DPP6: variants seen among roughly 807,000 people sequenced by gnomAD.
The protein encoded by DPP6 is dipeptidyl peptidase like 6.
Under a neutral mutation model 122.6 loss-of-function variants are expected in DPP6, and 69 were observed. That is an observed-to-expected ratio of 0.56 (90% CI 0.46 to 0.69). The LOEUF (loss-of-function observed/expected upper bound fraction) is 0.69, where lower values mean the gene tolerates loss of function less well. Ranked by LOEUF, DPP6 falls within the 30% of genes least tolerant of loss-of-function variation. The pLI is 0.00. For missense variants in DPP6, 928 were observed against 1,116.9 expected (o/e 0.83, Z 2.41); for synonymous variants, 418 against 433.1 (o/e 0.97, Z 0.43).
Position 154,483,083 on chromosome 7 carries a change from G to A in DPP6, c.457+8046G>A, listed in dbSNP as rs942708009. ...GTGGGTTGTGGAGGTACTGCTCAGA[G>A]CCTCTCGGAGGGAAGAGGGGAAGAG... On this transcript the variant is annotated intron_variant, in intron 3 of 25. Transcript: ENST00000377770. The surrounding 1 kb of genome is among the most constrained non-coding windows in gnomAD (Gnocchi z 8.1). Among the ~76,000 whole-genome samples, 1 of 152,154 alleles carries A rather than the reference G, an allele frequency of 6.6e-6. No homozygotes were observed. The highest frequency in any genetic ancestry group is 1.5e-5 in the Non-Finnish European group (1 of 68,034).
At chr7:154,420,556 G>T (rs1303040721) in intron 1 of DPP6, among the ~76,000 whole-genome samples, 2 of 152,224 alleles carry the variant, frequency 1.3e-5, no homozygotes, top group South Asian at 2.1e-4. Flanking sequence ...CAGCGATGGG[G>T]GTGGGTAGGG....
At chr7:154,786,850 T>C (rs1039045843) in intron 10 of DPP6, among the ~76,000 whole-genome samples, 22 of 152,202 alleles carry the variant, frequency 1.4e-4, no homozygotes, top group African/African-American at 5.3e-4. Context: ...TCCTCCTGTT[T>C]GAACTGCATT....
chr7:153,853,859 A>T, the DPP6 span, among the ~76,000 whole-genome samples: 1 of 151,040 alleles, frequency 6.6e-6, no homozygotes, highest in Non-Finnish European at 1.5e-5. Context: ...ATTAGATCCC[A>T]TTTGTCAATT....
chr7:154,088,292 C>G (rs892651055), intron 1 of DPP6, among the ~76,000 whole-genome samples: 34 of 149,596 alleles, frequency 2.3e-4, no homozygotes, highest in Non-Finnish European at 4.7e-4. Flanking sequence ...GCATTCCATT[C>G]TGGCCCATCA....
At chr7:153,923,557 C>G (rs373731612) in intron 1 of DPP6, among the ~76,000 whole-genome samples, 2 of 151,894 alleles carry the variant, frequency 1.3e-5, no homozygotes, top group African/African-American at 2.4e-5. Flanking sequence ...GTCAGGAGAT[C>G]GAGACCATCC....
intron 1 of DPP6, among the ~76,000 whole-genome samples, chr7:154,186,511 C>G (rs1393923005): frequency 6.6e-6 from 1 of 152,192 alleles, no homozygotes; most frequent in African/African-American, 2.4e-5. Flanking sequence ...CCCCAGGGGC[C>G]CCTTGGCATC....
chr7:154,606,144 T>C (rs918188102), intron 5 of DPP6, among the ~76,000 whole-genome samples: 1 of 120,530 alleles, frequency 8.3e-6, no homozygotes, highest in Non-Finnish European at 1.9e-5. Flanking sequence ...GACCCTTCAA[T>C]TGGCCACTGG....
At chr7:154,190,184 A>G (rs768051563) in intron 1 of DPP6, among the ~76,000 whole-genome samples, 1 of 152,198 alleles carries the variant, frequency 6.6e-6, no homozygotes, top group Non-Finnish European at 1.5e-5. Context: ...TCACTGATAT[A>G]CTAGGTGCAT....
At chr7:154,214,083 C>G (rs1314211221) in intron 1 of DPP6, among the ~76,000 whole-genome samples, 1 of 152,178 alleles carries the variant, frequency 6.6e-6, no homozygotes, top group African/African-American at 2.4e-5. Context: ...TGGAAACTTT[C>G]AAAGCTTTGC....
the DPP6 span, among the ~76,000 whole-genome samples, chr7:153,880,343 A>G: frequency 3.3e-5 from 5 of 152,236 alleles, no homozygotes; most frequent in Non-Finnish European, 2.9e-5. Context: ...CATTGTTCAA[A>G]GATACTAGGA....
chr7:154,008,741 A>G (rs1404871952), intron 1 of DPP6, among the ~76,000 whole-genome samples: 1 of 145,524 alleles, frequency 6.9e-6, no homozygotes, highest in African/African-American at 2.6e-5. Flanking sequence ...GGCTCACTGC[A>G]AGCTCCGCCT....
chr7:153,989,981 T>C (rs191567377), intron 1 of DPP6, among the ~76,000 whole-genome samples: 7,926 of 77,640 alleles, frequency 0.1, 340 homozygotes, highest in African/African-American at 0.22. Context: ...CCCCAACAGC[T>C]CACCCCCCTG....
chr7:154,072,830 G>GC (rs1803221853), intron 1 of DPP6, among the ~76,000 whole-genome samples: 1 of 133,582 alleles, frequency 7.5e-6, no homozygotes. Flanking sequence ...ATGAAGGAAA[G>GC]CAACTGTCGG....
chr7:154,723,023 G>C (rs920379414), intron 7 of DPP6, among the ~76,000 whole-genome samples: 3 of 152,146 alleles, frequency 2.0e-5, no homozygotes, highest in Non-Finnish European at 4.4e-5. Context: ...CACTTTGGGA[G>C]GCTGAGGTGG....
At chr7:154,278,454 A>G (rs914719258) in intron 1 of DPP6, among the ~76,000 whole-genome samples, 1 of 152,262 alleles carries the variant, frequency 6.6e-6, no homozygotes, top group African/African-American at 2.4e-5. Flanking sequence ...CTGTAACTGC[A>G]TCTTGACGAT....
At chr7:154,694,047 T>G (rs796613365) in intron 7 of DPP6, among the ~76,000 whole-genome samples, 6 of 152,184 alleles carry the variant, frequency 3.9e-5, no homozygotes, top group African/African-American at 1.4e-4. Flanking sequence ...AGGCTGGAAG[T>G]CAAGGTTAAC....
intron 3 of DPP6, among the ~76,000 whole-genome samples, chr7:154,511,865 T>TA (rs1183005486): frequency 6.6e-6 from 1 of 152,246 alleles, no homozygotes; most frequent in Non-Finnish European, 1.5e-5. Flanking sequence ...ATATACTTTT[T>TA]ATCATGCTGT....
At chr7:154,770,335 A>G (rs1796181389) in intron 9 of DPP6, among the ~76,000 whole-genome samples, 1 of 152,138 alleles carries the variant, frequency 6.6e-6, no homozygotes, top group Non-Finnish European at 1.5e-5. Flanking sequence ...ATCTTGTGAG[A>G]CTTATTCACT....
intron 1 of DPP6, among the ~76,000 whole-genome samples, chr7:153,893,863 A>G (rs2128994990): frequency 6.6e-6 from 1 of 152,324 alleles, no homozygotes; most frequent in Admixed American, 6.5e-5. Flanking sequence ...AAGAAAACTC[A>G]TTGGCCCTGG....
Sources: gnomAD v4.1 joint callset for allele counts (sites outside exome capture counted in the v4.1 genomes callset) on GRCh38, gnomAD v4.1.1 for gene constraint, Gnocchi (gnomAD v3.1) non-coding constraint, MANE v1.5 for transcripts, NCBI Gene and HGNC (gene_info 2026-07-23, HGNC 2026-07-21) for gene names.